The following ZNF529 variants were observed in gnomAD, a reference collection of about 807,000 sequenced individuals.
The protein encoded by ZNF529 is zinc finger protein 529.
Under a neutral mutation model 10.1 loss-of-function variants are expected in ZNF529, and 11 were observed. The ratio of observed to expected loss-of-function variants is 1.09; its 90% CI spans 0.69 to 1.81. The LOEUF is 1.81. Among genes scored for constraint, ZNF529 ranks in the 40% most tolerant of loss-of-function variants. The pLI is 0.00. For missense variants in ZNF529, 624 were observed against 666.8 expected (o/e 0.94, Z 0.71); for synonymous variants, 204 against 215.7 (o/e 0.95, Z 0.47).
Position 36,546,830 on chromosome 19 carries a change from A to C in ZNF529, c.*36T>G. ...AATCCATCCACAGTATTTTCCTGTG[A>C]AAATCAGAAATAAAAAACCACTTTA... On this transcript the variant is annotated 3_prime_UTR_variant, in exon 5 of 5. Transcript: ENST00000591340. 1 of 1,563,088 alleles carries C rather than the reference A, an allele frequency of 6.4e-7. No homozygotes were observed. The highest frequency in any genetic ancestry group is 8.6e-7 in the Non-Finnish European group (1 of 1,156,202).
rs200109728 is a variant in ZNF529 at position 36,560,585 on chromosome 19, AT to A, written c.15-4389del. Among the ~76,000 whole-genome samples the A allele has an allele frequency of 4.5e-3, 685 of 151,704 alleles. 3 individuals are homozygous for A. Among genetic ancestry groups the A allele is most frequent in the Non-Finnish European group, 6.9e-3 (471 of 67,852 alleles). ...TGTATAAAGGTTCTCCTTTCTTCTC[AT>A]TTTTTTTTAAAAACATAGACTTATA... On this transcript the variant is annotated intron_variant, in intron 2 of 4. Transcript: ENST00000591340.
Position 36,546,617 on chromosome 19 carries a change from G to T in ZNF529, c.*249C>A. On this transcript the variant is annotated 3_prime_UTR_variant, in exon 5 of 5. Coordinates refer to ENST00000591340, the MANE Select transcript of ZNF529 (RefSeq NM_020951.5). ...TCAAAAGCTATTGTAAACAAAACATGCCAGGATGAGAAACTCATGAAAAAA... is the reference window on the plus strand; with the variant it reads ...TCAAAAGCTATTGTAAACAAAACATTCCAGGATGAGAAACTCATGAAAAAA... The T allele has an allele frequency of 2.6e-6, 1 of 381,984 alleles. No individual in the cohort carries two copies. The allele number at this position is 381,984 out of a possible 1,614,324, so 23.7% of individuals were successfully genotyped here.
chr19:36,600,469 C>T (rs923089464), intron 1 of ZNF529, among the ~76,000 whole-genome samples: 2 of 152,100 alleles, frequency 1.3e-5, no homozygotes, highest in African/African-American at 2.4e-5. Flanking sequence ...GATATTCCAT[C>T]TTATATTTTT....
In ZNF529 at chr19:36,546,570, CA is replaced by C. The variant is rs1297436923; in HGVS notation, c.*295del. 13 of 278,300 alleles carry C rather than the reference CA, an allele frequency of 4.7e-5. No individual in the cohort carries two copies. The highest frequency in any genetic ancestry group is 2.2e-4 in the African/African-American group (10 of 45,288). The allele number at this position is 278,300 out of a possible 1,614,324, so 17.2% of individuals were successfully genotyped here. A position where few individuals can be genotyped will look rare whatever the true frequency, so the allele number is the denominator to read the frequency against. ...TATTACAATTAAAAAACTGAATAGTCAAAAGAGCAATAATACAAACATCAAA... is the reference window on the plus strand; with the variant it reads ...TATTACAATTAAAAAACTGAATAGTCAAAGAGCAATAATACAAACATCAAA... On this transcript the variant is annotated 3_prime_UTR_variant, in exon 5 of 5. Transcript: ENST00000591340.
In ZNF529 at chr19:36,548,228, C is replaced by T. The variant is rs908734851; in HGVS notation, c.330G>A (p.Lys110=). ...AAATGGAACCTTCAAGGCCACATAA[C>T]TTGCTACTTTCCATTACCTCCCACT... ...GSQWEVMESS[K]LCGLEGSIFR... is the part of the protein sequence containing the mutation. Residue 110 remains lysine (K), a synonymous_variant, in exon 5 of 5, where the codon AAG becomes AAA. Transcript: ENST00000591340. 1.9e-6 allele frequency: 3 copies of T among 1,613,864 alleles called. No individual in the cohort carries two copies. Among genetic ancestry groups the T allele is most frequent in the Non-Finnish European group, 2.5e-6 (3 of 1,179,854 alleles).
chr19:36,570,375 A>G (rs1423090885), intron 2 of ZNF529, among the ~76,000 whole-genome samples: 1 of 151,378 alleles, frequency 6.6e-6, no homozygotes, highest in Non-Finnish European at 1.5e-5. Flanking sequence ...AAAAAAAAAA[A>G]AAAAAAGAAA....
At chr19:36,592,334 C>G (rs1163763229) in intron 1 of ZNF529, among the ~76,000 whole-genome samples, 1 of 148,062 alleles carries the variant, frequency 6.8e-6, no homozygotes, top group African/African-American at 2.5e-5. Flanking sequence ...TGGCTCACAC[C>G]TGTAATCCTA....
intron 2 of ZNF529, among the ~76,000 whole-genome samples, chr19:36,585,940 T>C (rs901786609): frequency 1.3e-5 from 2 of 152,258 alleles, no homozygotes; most frequent in African/African-American, 4.8e-5. Context: ...GCTAAGTATG[T>C]ACTGTTCCTT....
At chr19:36,602,577 A>G (rs1426579922) in intron 1 of ZNF529, among the ~76,000 whole-genome samples, 2 of 152,078 alleles carry the variant, frequency 1.3e-5, no homozygotes, top group Non-Finnish European at 2.9e-5. Context: ...CTAGACCCAG[A>G]GACCATTATA....
chr19:36,562,637 C>T (rs1489570949), intron 2 of ZNF529, among the ~76,000 whole-genome samples: 2 of 151,798 alleles, frequency 1.3e-5, no homozygotes, highest in Non-Finnish European at 2.9e-5. Context: ...AAATCGAGAC[C>T]ATCCTGGCTA....
At chr19:36,595,099 G>C (rs2036813174) in intron 1 of ZNF529, among the ~76,000 whole-genome samples, 1 of 151,876 alleles carries the variant, frequency 6.6e-6, no homozygotes, top group Non-Finnish European at 1.5e-5. Flanking sequence ...GGATGGTCTC[G>C]AACTCCTGAT....
intron 2 of ZNF529, among the ~76,000 whole-genome samples, chr19:36,556,460 A>G (rs898768713): frequency 6.6e-6 from 1 of 152,182 alleles, no homozygotes. Context: ...TCAGATAGCT[A>G]TCTTCCTAGG....
intron 2 of ZNF529, among the ~76,000 whole-genome samples, chr19:36,571,364 GTTTC>G (rs1450577052): frequency 6.6e-6 from 1 of 152,096 alleles, no homozygotes; most frequent in East Asian, 1.9e-4. Flanking sequence ...AACTTCAGCT[GTTTC>G]TTTTTCTTTT....
At chr19:36,555,006 C>T (rs1020316283) in intron 3 of ZNF529, among the ~76,000 whole-genome samples, 2 of 152,148 alleles carry the variant, frequency 1.3e-5, no homozygotes, top group Non-Finnish European at 2.9e-5. Context: ...TTTCTGCATA[C>T]TTATGGGATC....
At chr19:36,586,259 G>A (rs1208686060) in intron 2 of ZNF529, among the ~76,000 whole-genome samples, 2 of 152,132 alleles carry the variant, frequency 1.3e-5, no homozygotes, top group African/African-American at 4.8e-5. Context: ...ATATGGAGAT[G>A]TCTTCTCCCT....
At chr19:36,556,227 A>G (rs1176884651) in intron 2 of ZNF529, 30 bp from the exon 3 acceptor site, 2 of 851,904 alleles carry the variant, frequency 2.3e-6, no homozygotes, top group Admixed American at 4.0e-5. Flanking sequence ...AGAAAGAACC[A>G]CCATTAAAAG....
chr19:36,555,293 T>G lies in ZNF529; in HGVS notation c.109-497A>C, dbSNP rs1454049515. 2.2e-5 allele frequency among the ~76,000 whole-genome samples: 2 copies of G among 90,274 alleles called. 1 individual carries two copies. The highest frequency in any genetic ancestry group is 4.5e-5 in the Non-Finnish European group (2 of 44,776). 59.2% of individuals were successfully genotyped at this position (90,274 alleles called of 152,430 possible). ...TTATTACTTCCAGCGATAAAGTTTTTTTTTTTTTTTTGAGACGGAGTCTCG... is the reference window on the plus strand; with the variant it reads ...TTATTACTTCCAGCGATAAAGTTTTGTTTTTTTTTTTGAGACGGAGTCTCG... On this transcript the variant is annotated intron_variant, in intron 3 of 4. Transcript: ENST00000591340.
At position 36,555,310 on chromosome 19, in the gene ZNF529, G is replaced by A. The variant is rs1354675215; in HGVS notation, c.109-514C>T. ...AAAGTTTTTTTTTTTTTTTTGAGAC[G>A]GAGTCTCGCTCTGTCGCCCAGGCCG... On this transcript the variant is annotated intron_variant, in intron 3 of 4. Coordinates refer to ENST00000591340, the MANE Select transcript of ZNF529 (RefSeq NM_020951.5). Among the ~76,000 whole-genome samples, 25 of 24,382 alleles carry A rather than the reference G, an allele frequency of 1.0e-3. 8 individuals carry two copies. The highest frequency in any genetic ancestry group is 2.4e-3 in the South Asian group (2 of 836). The allele number at this position is 24,382 out of a possible 152,430, so 16.0% of individuals were successfully genotyped here. A position where few individuals can be genotyped will look rare whatever the true frequency, so the allele number is the denominator to read the frequency against.
At chr19:36,584,167 G>C (rs1251743335) in intron 2 of ZNF529, among the ~76,000 whole-genome samples, 1 of 152,136 alleles carries the variant, frequency 6.6e-6, no homozygotes, top group African/African-American at 2.4e-5. Flanking sequence ...AAGGAAAGAT[G>C]ATTGGGCACA....
Sources: gnomAD v4.1 joint callset for allele counts (sites outside exome capture counted in the v4.1 genomes callset) on GRCh38, gnomAD v4.1.1 for gene constraint, MANE v1.5 for transcripts, NCBI Gene and HGNC (gene_info 2026-07-23, HGNC 2026-07-21) for gene names.